The following PTPRN2 variants were observed in gnomAD, a reference collection of about 807,000 sequenced individuals.
The protein encoded by PTPRN2 is receptor-type tyrosine-protein phosphatase N2.
Under a neutral mutation model 118.8 loss-of-function variants are expected in PTPRN2, and 74 were observed. The observed-to-expected ratio is 0.62, with a 90% CI of 0.52 to 0.76. The LOEUF is 0.76. Among genes scored for constraint, PTPRN2 ranks in the 30% least tolerant of loss-of-function variants. The pLI, the probability that PTPRN2 is intolerant of heterozygous loss-of-function variation, is 0.00. For synonymous variants in PTPRN2, 641 were observed against 608.0 expected (o/e 1.05, Z -0.80); for missense variants, 1,481 against 1,394.4 (o/e 1.06, Z -0.99).
intron 12 of PTPRN2, among the ~76,000 whole-genome samples, chr7:157,745,856 T>C (rs565343819): frequency 2.3e-4 from 35 of 152,202 alleles, no homozygotes; most frequent in African/African-American, 8.2e-4. Context: ...CAAAGCTCCT[T>C]CTCTGGCTGC....
At chr7:158,489,709 C>T (rs764590398) in intron 2 of PTPRN2, 26 bp downstream of exon 2, 3 of 1,561,474 alleles carry the variant, frequency 1.9e-6, no homozygotes, top group East Asian at 2.4e-5. Context: ...CAGACCAGGG[C>T]GCAGCAGCCA....
chr7:158,310,993 G>A (rs1801679269), intron 3 of PTPRN2, among the ~76,000 whole-genome samples: 1 of 152,234 alleles, frequency 6.6e-6, no homozygotes, highest in Non-Finnish European at 1.5e-5. Context: ...TCTGCCTGGA[G>A]GTCGGGTAGG....
At position 157,779,017 on chromosome 7, in the gene PTPRN2, G is replaced by A. The variant is rs1585443684; in HGVS notation, c.1789-96080C>T. ...GGCCACAGCGCTCAAGCAGAGCTCCGCTCACAGCCAGGTGGCCGTGTTCTC... is the reference window on the plus strand; with the variant it reads ...GGCCACAGCGCTCAAGCAGAGCTCCACTCACAGCCAGGTGGCCGTGTTCTC... On this transcript the variant is annotated intron_variant, in intron 12 of 22. Coordinates refer to ENST00000389418, the MANE Select transcript of PTPRN2 (RefSeq NM_002847.5). This position sits in a 1 kb window ranked among gnomAD's most constrained non-coding sequence, Gnocchi z 4.7. 1.3e-5 allele frequency among the ~76,000 whole-genome samples: 2 copies of A among 152,360 alleles called. No homozygotes were observed. Among genetic ancestry groups the A allele is most frequent in the East Asian group, 3.9e-4 (2 of 5,182 alleles).
At chr7:158,211,056 C>T (rs1397920047) in intron 3 of PTPRN2, among the ~76,000 whole-genome samples, 1 of 152,124 alleles carries the variant, frequency 6.6e-6, no homozygotes, top group Non-Finnish European at 1.5e-5. Flanking sequence ...CGTCAACAAT[C>T]GTCAACTGTC....
chr7:158,209,520 C>G (rs1165138460), intron 3 of PTPRN2, among the ~76,000 whole-genome samples: 1 of 152,000 alleles, frequency 6.6e-6, no homozygotes, highest in Non-Finnish European at 1.5e-5. Flanking sequence ...ATATATGTAC[C>G]CAACACTGGA....
Position 157,707,859 on chromosome 7 carries a change from G to A in PTPRN2, c.1789-24922C>T, listed in dbSNP as rs2150880287. 2.0e-5 allele frequency among the ~76,000 whole-genome samples: 3 copies of A among 152,380 alleles called. No individual in the cohort carries two copies. In the South Asian group the frequency reaches 6.2e-4, roughly 32 times the overall value. On this transcript the variant is annotated intron_variant, in intron 12 of 22. Coordinates refer to ENST00000389418, the MANE Select transcript of PTPRN2 (RefSeq NM_002847.5). ...CTCGCCTTGGCCCCCAAAGTGCTGG[G>A]ATTACAGGCGTGAGCCACTGCGCCC...
Position 157,785,433 on chromosome 7 carries a change from G to T in PTPRN2, c.1789-102496C>A, listed in dbSNP as rs567061504. On this transcript the variant is annotated intron_variant, in intron 12 of 22. Transcript: ENST00000389418. The surrounding 1 kb of genome is among the most constrained non-coding windows in gnomAD (Gnocchi z 7.3). ...GTGGTGGAAAAGGCCTTGGAGCCTG[G>T]GGCAGGGCTCAGAGGGGCCCCAGGC... is the stretch of plus-strand genomic sequence containing the variant. 6.6e-6 allele frequency among the ~76,000 whole-genome samples: 1 copy of T among 152,304 alleles called. No individual in the cohort carries two copies. The highest frequency in any genetic ancestry group is 1.5e-5 in the Non-Finnish European group (1 of 68,024).
intron 2 of PTPRN2, among the ~76,000 whole-genome samples, chr7:158,455,657 G>A (rs368875909): frequency 2.2e-5 from 2 of 92,590 alleles, no homozygotes; most frequent in Non-Finnish European, 2.1e-5. Flanking sequence ...AGAAGACAAC[G>A]GCACGGACGC....
intron 13 of PTPRN2, among the ~76,000 whole-genome samples, chr7:157,664,488 C>T (rs1422722498): frequency 1.3e-5 from 2 of 152,212 alleles, no homozygotes; most frequent in South Asian, 2.1e-4. Context: ...GAACGGTAGT[C>T]GGGCGTGGTG....
intron 3 of PTPRN2, among the ~76,000 whole-genome samples, chr7:158,206,567 G>T (rs572337368): frequency 5.1e-3 from 774 of 152,072 alleles, no homozygotes; most frequent in Non-Finnish European, 8.3e-3. Context: ...AGCTCGGGGA[G>T]GGGGGGAGAG....
chr7:157,814,534 G>A (rs1373799451), intron 12 of PTPRN2, among the ~76,000 whole-genome samples: 1 of 138,992 alleles, frequency 7.2e-6, no homozygotes, highest in Non-Finnish European at 1.6e-5. Context: ...ACAGGCGGGG[G>A]CAGGACAGAG....
At chr7:158,135,515 T>C (rs1818732689) in intron 8 of PTPRN2, among the ~76,000 whole-genome samples, 1 of 152,134 alleles carries the variant, frequency 6.6e-6, no homozygotes, top group African/African-American at 2.4e-5. Context: ...GAAACAGAAT[T>C]GCTTGAAAAT....
chr7:157,598,002 T>A lies in PTPRN2; in HGVS notation c.2419-2687A>T, dbSNP rs1445195733. Among the ~76,000 whole-genome samples, 1 of 152,256 alleles carries A rather than the reference T, an allele frequency of 6.6e-6. No individual in the cohort carries two copies. Among genetic ancestry groups the A allele is most frequent in the East Asian group, 1.9e-4 (1 of 5,204 alleles). On this transcript the variant is annotated intron_variant, in intron 16 of 22. Coordinates refer to ENST00000389418, the MANE Select transcript of PTPRN2 (RefSeq NM_002847.5). This position sits in a 1 kb window ranked among gnomAD's most constrained non-coding sequence, Gnocchi z 5.2. ...ACTGCAAAGGCCACAGGCAGCCTCC[T>A]TGTGGTCTCACGCAGGCTTCGAGGA...
intron 11 of PTPRN2, among the ~76,000 whole-genome samples, chr7:157,916,075 G>A (rs1375655739): frequency 6.6e-6 from 1 of 152,230 alleles, no homozygotes; most frequent in African/African-American, 2.4e-5. Flanking sequence ...ACACAGATGT[G>A]TATATAAAAT....
chr7:157,722,229 G>A (rs551866111), intron 12 of PTPRN2, among the ~76,000 whole-genome samples: 3 of 152,354 alleles, frequency 2.0e-5, no homozygotes, highest in Non-Finnish European at 4.4e-5. Flanking sequence ...GTGAGACCAC[G>A]TGTGCCATGT....
intron 12 of PTPRN2, among the ~76,000 whole-genome samples, chr7:157,829,945 C>T (rs1254998308): frequency 5.3e-5 from 8 of 152,224 alleles, no homozygotes; most frequent in Admixed American, 3.3e-4. Flanking sequence ...GTCTGTGGGC[C>T]GTGCTTCTAG....
intron 5 of PTPRN2, among the ~76,000 whole-genome samples, chr7:158,175,232 G>T (rs182308680): frequency 6.6e-6 from 1 of 152,186 alleles, no homozygotes; most frequent in African/African-American, 2.4e-5. Context: ...CCTTGATCAC[G>T]GCGTGCTTGC....
intron 12 of PTPRN2, among the ~76,000 whole-genome samples, chr7:157,738,319 G>GAGGT (rs1170496670): frequency 6.6e-6 from 1 of 152,172 alleles, no homozygotes; most frequent in Non-Finnish European, 1.5e-5. Flanking sequence ...AGAGGGGAGG[G>GAGGT]AGGTGCTGGG....
At position 157,551,465 on chromosome 7, in the gene PTPRN2, T is replaced by C. The variant is rs192210966; in HGVS notation, c.2903-2446A>G. ...CCCAAAGGAAGGCCGCTGGCCACCA[T>C]GTACCCCACAGACACTGTGCAGCCC... On this transcript the variant is annotated intron_variant, in intron 21 of 22. Coordinates refer to ENST00000389418, the MANE Select transcript of PTPRN2 (RefSeq NM_002847.5). Among the ~76,000 whole-genome samples, 320 of 151,852 alleles carry C rather than the reference T, an allele frequency of 2.1e-3. 4 individuals carry two copies. The highest frequency in any genetic ancestry group is 7.4e-3 in the African/African-American group (308 of 41,346).
Sources: gnomAD v4.1 joint callset for allele counts (sites outside exome capture counted in the v4.1 genomes callset) on GRCh38, gnomAD v4.1.1 for gene constraint, Gnocchi (gnomAD v3.1) non-coding constraint, MANE v1.5 for transcripts, NCBI Gene and HGNC (gene_info 2026-07-23, HGNC 2026-07-21) for gene names.